The following SPAG16 variants were observed in gnomAD, a reference collection of about 807,000 sequenced individuals.
SPAG16 encodes sperm-associated antigen 16 protein.
SPAG16 carries 86 observed loss-of-function variants against 80.4 expected under a neutral mutation model. That is an observed-to-expected ratio of 1.07 (90% CI 0.90 to 1.28). The LOEUF is 1.28. Ranked by LOEUF, SPAG16 falls within the 50% of genes most tolerant of loss-of-function variation. The probability of loss-of-function intolerance (pLI) is 0.00; values close to 1 mark genes in which losing one functional copy is unlikely to be tolerated. For missense variants in SPAG16, 870 were observed against 765.3 expected, an observed-to-expected ratio of 1.14 and a Z score of -1.61; for synonymous variants, 294 against 265.9, an observed-to-expected ratio of 1.11 and a Z score of -1.03.
At chr2:214,407,031 A>T (rs1702032942) in intron 15 of SPAG16, among the ~76,000 whole-genome samples, 1 of 152,110 alleles carries the variant, frequency 6.6e-6, no homozygotes, top group Non-Finnish European at 1.5e-5. Context: ...TTCTGTGAAA[A>T]GTATGACATC....
intron 6 of SPAG16, among the ~76,000 whole-genome samples, chr2:213,349,514 A>G (rs969086975): frequency 2.6e-5 from 4 of 152,174 alleles, no homozygotes; most frequent in Non-Finnish European, 5.9e-5. Flanking sequence ...AGTATAAATT[A>G]TAACCCAGCA....
intron 13 of SPAG16, among the ~76,000 whole-genome samples, chr2:214,059,206 A>ATGTATG (rs1160801165): frequency 1.0e-5 from 1 of 96,360 alleles, no homozygotes; most frequent in Non-Finnish European, 2.1e-5. Context: ...ATATATATAT[A>ATGTATG]TATATATATG....
At chr2:214,314,339 A>G (rs6759138) in intron 15 of SPAG16, among the ~76,000 whole-genome samples, 35,012 of 152,152 alleles carry the variant, frequency 0.23, 4,256 homozygotes, top group East Asian at 0.36. Context: ...ATTGAGTTAC[A>G]TTTACTTATA....
intron 9 of SPAG16, among the ~76,000 whole-genome samples, chr2:213,483,516 G>A (rs142588250): frequency 6.6e-6 from 1 of 152,124 alleles, no homozygotes; most frequent in Non-Finnish European, 1.5e-5. Flanking sequence ...GCTAAATTTC[G>A]AAAGATGGGT....
At chr2:213,333,854 A>G (rs914344828) in intron 5 of SPAG16, among the ~76,000 whole-genome samples, 1 of 152,090 alleles carries the variant, frequency 6.6e-6, no homozygotes, top group Non-Finnish European at 1.5e-5. Flanking sequence ...AATCAAATCA[A>G]AATGAAATTC....
intron 9 of SPAG16, among the ~76,000 whole-genome samples, chr2:213,426,836 TACACACACACACACACAC>T (rs199604984): frequency 0.012 from 1,564 of 125,898 alleles, 31 homozygotes; most frequent in African/African-American, 0.042. Flanking sequence ...TTCTGATACA[TACACACACACACACACAC>T]ACACACACAC....
intron 15 of SPAG16, among the ~76,000 whole-genome samples, chr2:214,307,374 A>G (rs1379673886): frequency 1.8e-4 from 28 of 151,970 alleles, no homozygotes; most frequent in Non-Finnish European, 2.9e-4. Flanking sequence ...ATGGTTTTTC[A>G]TATCTCAATC....
At chr2:214,409,783 T>C (rs1053288764) in intron 15 of SPAG16, among the ~76,000 whole-genome samples, 4 of 152,124 alleles carry the variant, frequency 2.6e-5, no homozygotes, top group African/African-American at 7.2e-5. Flanking sequence ...TAACATATAA[T>C]TTATTTGAAA....
In SPAG16 at chr2:213,629,310, G is replaced by A. The variant is rs144324258; in HGVS notation, c.1070+139220G>A. Among the ~76,000 whole-genome samples the A allele has an allele frequency of 1.5e-3, 234 of 152,172 alleles. 2 individuals carry two copies. The highest frequency in any genetic ancestry group is 5.2e-3 in the African/African-American group (215 of 41,512). ...TTTCTTCTTAGCCATTGCAACCAAG[G>A]ACTACACGTGTTACCAACCCACAGT... On this transcript the variant is annotated intron_variant, in intron 10 of 15. Transcript: ENST00000331683.
intron 10 of SPAG16, among the ~76,000 whole-genome samples, chr2:213,625,420 G>A (rs191652047): frequency 9.9e-4 from 150 of 151,778 alleles, no homozygotes; most frequent in African/African-American, 3.4e-3. Context: ...TGTACCCCCC[G>A]TAAATATATA....
intron 3 of SPAG16, among the ~76,000 whole-genome samples, chr2:213,299,120 G>T (rs2062620179): frequency 6.6e-6 from 1 of 152,082 alleles, no homozygotes; most frequent in African/African-American, 2.4e-5. Flanking sequence ...AAAGGATACA[G>T]TAATCTCTAT....
At chr2:213,399,836 T>C (rs1286614569) in intron 9 of SPAG16, among the ~76,000 whole-genome samples, 1 of 152,090 alleles carries the variant, frequency 6.6e-6, no homozygotes, top group Non-Finnish European at 1.5e-5. Flanking sequence ...GTAATAGAAG[T>C]TATTTCTTCC....
chr2:213,856,514 C>T (rs1415439926), intron 10 of SPAG16, among the ~76,000 whole-genome samples: 6 of 152,240 alleles, frequency 3.9e-5, no homozygotes, highest in African/African-American at 9.6e-5. Context: ...ACTGCTCTAG[C>T]AGAGGTTCTC....
intron 10 of SPAG16, among the ~76,000 whole-genome samples, chr2:213,553,890 C>T (rs1360663159): frequency 6.6e-6 from 1 of 152,192 alleles, no homozygotes; most frequent in East Asian, 1.9e-4. Context: ...GCAGACTCCT[C>T]TGCTGCTTTA....
chr2:214,158,684 T>C (rs2056316177), intron 15 of SPAG16, among the ~76,000 whole-genome samples: 1 of 152,012 alleles, frequency 6.6e-6, no homozygotes, highest in South Asian at 2.1e-4. Flanking sequence ...ATTTTTAAAA[T>C]AGGTATATTT....
chr2:213,746,958 G>A (rs932008150), intron 10 of SPAG16, among the ~76,000 whole-genome samples: 1 of 152,024 alleles, frequency 6.6e-6, no homozygotes, highest in Non-Finnish European at 1.5e-5. Flanking sequence ...TCAAAAAAAA[G>A]TTAACTGTAA....
chr2:213,382,047 G>GT (rs749595993), intron 9 of SPAG16, among the ~76,000 whole-genome samples: 2,578 of 145,354 alleles, frequency 0.018, 35 homozygotes, highest in Non-Finnish European at 0.027. Flanking sequence ...AATCAGGCTA[G>GT]TTTTTTTTTT....
intron 13 of SPAG16, among the ~76,000 whole-genome samples, chr2:214,047,271 C>A (rs2049379579): frequency 6.6e-6 from 1 of 152,092 alleles, no homozygotes; most frequent in South Asian, 2.1e-4. Context: ...AATCACATTA[C>A]CTGACTTCAA....
At chr2:213,452,347 A>G (rs2071750038) in intron 9 of SPAG16, among the ~76,000 whole-genome samples, 2 of 152,166 alleles carry the variant, frequency 1.3e-5, no homozygotes, top group Non-Finnish European at 2.9e-5. Context: ...ATCATCACCC[A>G]TCCTGTTAGG....
Sources: allele counts gnomAD v4.1 joint callset (sites outside exome capture counted in the v4.1 genomes callset), GRCh38; gene constraint gnomAD v4.1.1; transcripts MANE v1.5; gene names NCBI Gene and HGNC (gene_info 2026-07-23, HGNC 2026-07-21).